The following GIT2 variants were observed in gnomAD, a reference collection of about 807,000 sequenced individuals.
GIT2 encodes ARF GTPase-activating protein GIT2.
A neutral mutation model predicts 100.3 loss-of-function variants in GIT2; 32 were observed. The observed-to-expected ratio is 0.32, with a 90% CI of 0.24 to 0.43. The LOEUF (loss-of-function observed/expected upper bound fraction) is 0.43, where lower values mean the gene tolerates loss of function less well. GIT2 is among the 20% of genes least tolerant of loss of function. GIT2 has a pLI of 1.00. For synonymous variants in GIT2, 353 were observed against 364.1 expected (o/e 0.97, Z 0.35); for missense variants, 737 against 975.1 (o/e 0.76, Z 3.25).
chr12:109,999,464 A>G (rs1303046649), upstream of GIT2: 6 of 247,550 alleles, frequency 2.4e-5, no homozygotes, highest in Non-Finnish European at 3.8e-5. This position sits in a 1 kb window ranked among gnomAD's most constrained non-coding sequence, Gnocchi z 4.3. Context: ...CGCGGGCGGG[A>G]ACGCCGCGGG....
At chr12:109,973,028 A>G (rs1208053251) in intron 7 of GIT2, among the ~76,000 whole-genome samples, 6 of 151,906 alleles carry the variant, frequency 3.9e-5, no homozygotes, top group Non-Finnish European at 5.9e-5. Context: ...GGGTCTTGCT[A>G]TGTTGCCCAG....
chr12:109,983,826 A>G (rs1886819357), intron 4 of GIT2, 132 bp from the exon 5 acceptor site: 2 of 629,234 alleles, frequency 3.2e-6, no homozygotes, highest in African/African-American at 1.8e-5. Flanking sequence ...GGTAAAGTGC[A>G]TGGACCAGTC....
At chr12:109,982,247 A>G (rs939362275) in intron 6 of GIT2, 51 of 152,238 alleles carry the variant, frequency 3.4e-4, no homozygotes, top group African/African-American at 1.2e-3. Flanking sequence ...CTCCCTTCAC[A>G]CATTCAAATC....
At chr12:109,958,185 C>G (rs1880056090) in intron 12 of GIT2, among the ~76,000 whole-genome samples, 1 of 151,984 alleles carries the variant, frequency 6.6e-6, no homozygotes, top group Non-Finnish European at 1.5e-5. Context: ...ACCTCGTGAT[C>G]TGCCCACCTC....
At chr12:109,993,264 GGGTGACAATA>G (rs1666697879) in intron 1 of GIT2, among the ~76,000 whole-genome samples, 2 of 152,132 alleles carry the variant, frequency 1.3e-5, no homozygotes, top group Middle Eastern at 6.8e-3. Context: ...ACTCACAATG[GGGTGACAATA>G]GGTGCCACTT....
chr12:109,980,624 G>C (rs1396743949), intron 7 of GIT2, among the ~76,000 whole-genome samples: 1 of 152,164 alleles, frequency 6.6e-6, no homozygotes, highest in Admixed American at 6.5e-5. Flanking sequence ...AACTACAAAG[G>C]TTATTGCTTT....
At chr12:109,970,776 T>A (rs1454047464) in intron 7 of GIT2, among the ~76,000 whole-genome samples, 1 of 152,198 alleles carries the variant, frequency 6.6e-6, no homozygotes, top group Non-Finnish European at 1.5e-5. Flanking sequence ...CACCCTTCCA[T>A]TTGAATTTTT....
At chr12:109,995,497 C>T (rs962638894) in intron 1 of GIT2, among the ~76,000 whole-genome samples, 2 of 152,160 alleles carry the variant, frequency 1.3e-5, no homozygotes, top group African/African-American at 4.8e-5. Flanking sequence ...CCCGATTATC[C>T]TCATTGAAAA....
intron 9 of GIT2, 143 bp from the exon 10 acceptor site, chr12:109,961,828 A>C: frequency 1.6e-6 from 1 of 627,012 alleles, no homozygotes; most frequent in Non-Finnish European, 2.9e-6. Context: ...AAACAGACAT[A>C]ACATTTTCAA....
At chr12:109,944,231 A>G (rs1354605633) in intron 16 of GIT2, among the ~76,000 whole-genome samples, 3 of 152,224 alleles carry the variant, frequency 2.0e-5, no homozygotes, top group Admixed American at 6.5e-5. Flanking sequence ...GGTAATCCAT[A>G]TGCCACTGGA....
At chr12:109,990,305 A>G (rs1356419707) in intron 2 of GIT2, among the ~76,000 whole-genome samples, 1 of 152,146 alleles carries the variant, frequency 6.6e-6, no homozygotes, top group Non-Finnish European at 1.5e-5. Flanking sequence ...ACATTTGGGG[A>G]ATTGTTGCTT....
chr12:109,974,701 G>C (rs901689936), intron 7 of GIT2, among the ~76,000 whole-genome samples: 1 of 152,188 alleles, frequency 6.6e-6, no homozygotes, highest in Non-Finnish European at 1.5e-5. Flanking sequence ...CTATCTGGGT[G>C]TATGTTCAAT....
chr12:109,965,577 G>A lies in GIT2; in HGVS notation c.765C>T (p.Ser255=). 6.3e-7 allele frequency: 1 copy of A among 1,582,108 alleles called. No homozygotes were observed. The highest frequency in any genetic ancestry group is 8.7e-7 in the Non-Finnish European group (1 of 1,155,528). The change falls in exon 9 of 20, where the codon AGC becomes AGT. Residue 255 remains serine, a splice_region_variant and synonymous_variant. Coordinates refer to ENST00000355312, the MANE Select transcript of GIT2 (RefSeq NM_057169.5). ...TTGCCAATTCAGACAAATCCAGGCT[G>A]CTAAGAAAACATACAAAGCTAATAA... The part of the protein sequence containing the change: ...QHFIIPQMAD[S]SLDLSELAKA...
At chr12:109,974,239 G>A (rs1226192987) in intron 7 of GIT2, among the ~76,000 whole-genome samples, 1 of 151,706 alleles carries the variant, frequency 6.6e-6, no homozygotes, top group African/African-American at 2.4e-5. Context: ...GAAGTGTGTT[G>A]TTCAGGGCCG....
At chr12:109,961,742 G>C in intron 9 of GIT2, 57 bp from the exon 10 acceptor site, 1 of 1,017,788 alleles carries the variant, frequency 9.8e-7, no homozygotes, top group South Asian at 1.3e-5. Flanking sequence ...AGGAGGACAA[G>C]AGGGAACTGC....
intron 3 of GIT2, 102 bp from the exon 4 acceptor site, chr12:109,989,170 T>A (rs2136937744): frequency 1.3e-6 from 1 of 755,510 alleles, no homozygotes; most frequent in Non-Finnish European, 2.4e-6. Flanking sequence ...ATCCCCCACT[T>A]GAGAATAAAA....
At chr12:109,979,553 G>A (rs541026321) in intron 7 of GIT2, among the ~76,000 whole-genome samples, 19 of 151,948 alleles carry the variant, frequency 1.3e-4, no homozygotes, top group Admixed American at 2.6e-4. Flanking sequence ...GATTACAGGC[G>A]TGAGCCACCG....
At chr12:109,990,718 C>T (rs1337951088) in intron 2 of GIT2, among the ~76,000 whole-genome samples, 1 of 152,088 alleles carries the variant, frequency 6.6e-6, no homozygotes. Flanking sequence ...GAATGTGTAC[C>T]CCAAGATAGA....
At chr12:109,938,969 G>C in intron 17 of GIT2, 196 bp downstream of exon 17, 1 of 565,372 alleles carries the variant, frequency 1.8e-6, no homozygotes, top group Non-Finnish European at 3.2e-6. Flanking sequence ...CTGGTACAAA[G>C]AAAAAGGCCT....
Sources: gnomAD v4.1 joint callset for allele counts (sites outside exome capture counted in the v4.1 genomes callset) on GRCh38, gnomAD v4.1.1 for gene constraint, Gnocchi (gnomAD v3.1) non-coding constraint, MANE v1.5 for transcripts, NCBI Gene and HGNC (gene_info 2026-07-23, HGNC 2026-07-21) for gene names.